LARGE1: variants seen among roughly 807,000 people sequenced by gnomAD.
The protein encoded by LARGE1 is xylosyl- and glucuronyltransferase LARGE1.
In LARGE1, 43 loss-of-function variants were observed where a neutral mutation model predicts 87.6. That is an observed-to-expected ratio of 0.49 (90% CI 0.38 to 0.63). The LOEUF (loss-of-function observed/expected upper bound fraction) is 0.63, where lower values mean the gene tolerates loss of function less well. Ranked by LOEUF, LARGE1 falls within the 30% of genes least tolerant of loss-of-function variation. The pLI is 0.00. For missense variants in LARGE1, 802 were observed against 1,000.2 expected, an observed-to-expected ratio of 0.80 and a Z score of 2.67; for synonymous variants, 434 against 394.6, an observed-to-expected ratio of 1.10 and a Z score of -1.18.
intron 11 of LARGE1, among the ~76,000 whole-genome samples, chr22:33,177,401 T>C (rs1159065647): frequency 6.6e-6 from 1 of 152,198 alleles, no homozygotes; most frequent in Non-Finnish European, 1.5e-5. Flanking sequence ...CATTTATTCT[T>C]TTAATTATTC....
Position 33,274,006 on chromosome 22 carries a change from T to G in LARGE1, c.*421A>C, listed in dbSNP as rs556795108. ...TTTCACTTAATAAAGACAATTTCAC[T>G]TCTATTTCCTGGGACGAATAACCCC... On this transcript the variant is annotated 3_prime_UTR_variant, in exon 15 of 15. Transcript: ENST00000397394. The G allele has an allele frequency of 3.0e-6, 1 of 335,782 alleles. No homozygotes were observed. The highest frequency in any genetic ancestry group is 2.1e-5 in the African/African-American group (1 of 48,046). The allele number at this position is 335,782 out of a possible 1,614,324, so 20.8% of individuals were successfully genotyped here.
At chr22:33,404,996 G>A (rs1187167335) in intron 7 of LARGE1, among the ~76,000 whole-genome samples, 1 of 152,192 alleles carries the variant, frequency 6.6e-6, no homozygotes, top group African/African-American at 2.4e-5. Flanking sequence ...TTCTGCATTG[G>A]GTAGTGGGGA....
At chr22:33,266,855 T>C (rs1007119698) in intron 11 of LARGE1, among the ~76,000 whole-genome samples, 1 of 150,400 alleles carries the variant, frequency 6.6e-6, no homozygotes, top group South Asian at 2.1e-4. Flanking sequence ...AGAACAGTCT[T>C]GGAGTCAGAG....
the LARGE1 span, among the ~76,000 whole-genome samples, chr22:33,076,116 C>A: frequency 6.6e-6 from 1 of 152,204 alleles, no homozygotes; most frequent in Non-Finnish European, 1.5e-5. Context: ...CCTTGAAACT[C>A]ATTTTCAACC....
chr22:33,245,371 T>C (rs1926708049), intron 11 of LARGE1, among the ~76,000 whole-genome samples: 1 of 152,228 alleles, frequency 6.6e-6, no homozygotes, highest in Non-Finnish European at 1.5e-5. Context: ...TAAGCAGATA[T>C]GATCACACTG....
chr22:33,255,029 C>T (rs1049669085), intron 11 of LARGE1, among the ~76,000 whole-genome samples: 2 of 151,898 alleles, frequency 1.3e-5, no homozygotes, highest in Non-Finnish European at 2.9e-5. Flanking sequence ...CCTCCGCCCC[C>T]CAGGTTCAAG....
chr22:33,148,963 A>G, the LARGE1 span, among the ~76,000 whole-genome samples: 1 of 151,728 alleles, frequency 6.6e-6, no homozygotes, highest in Non-Finnish European at 1.5e-5. Context: ...TATATTTACA[A>G]TGTAAGTGCT....
the LARGE1 span, among the ~76,000 whole-genome samples, chr22:33,147,885 C>G: frequency 6.6e-6 from 1 of 152,210 alleles, no homozygotes; most frequent in African/African-American, 2.4e-5. Flanking sequence ...TCTATTCCAT[C>G]AACCACTGAT....
intron 7 of LARGE1, among the ~76,000 whole-genome samples, chr22:33,405,012 A>T (rs1424003493): frequency 6.6e-6 from 1 of 152,190 alleles, no homozygotes; most frequent in Non-Finnish European, 1.5e-5. Context: ...GGGGAAGAGG[A>T]GCATAAAGGA....
At chr22:33,482,012 C>T (rs1479096564) in intron 6 of LARGE1, among the ~76,000 whole-genome samples, 1 of 152,144 alleles carries the variant, frequency 6.6e-6, no homozygotes, top group Non-Finnish European at 1.5e-5. Context: ...TCACTACCTA[C>T]CAGATATTAT....
chr22:33,778,235 T>C (rs2085309102), intron 1 of LARGE1, among the ~76,000 whole-genome samples: 1 of 152,150 alleles, frequency 6.6e-6, no homozygotes, highest in Non-Finnish European at 1.5e-5. Context: ...CGTGTGATGG[T>C]TTCCAACAGC....
intron 1 of LARGE1, among the ~76,000 whole-genome samples, chr22:33,872,568 G>A (rs766419368): frequency 1.6e-4 from 25 of 152,070 alleles, no homozygotes; most frequent in Middle Eastern, 3.4e-3. Context: ...TTACGCCCTT[G>A]AACCTGAGTT....
At chr22:33,627,347 T>C (rs2079953662) in intron 3 of LARGE1, among the ~76,000 whole-genome samples, 1 of 152,216 alleles carries the variant, frequency 6.6e-6, no homozygotes. Context: ...GGAGAGTTCA[T>C]ACTTCCGGAT....
chr22:33,304,392 G>A lies in LARGE1; in HGVS notation c.1567C>T (p.Leu523Phe). 1 of 1,614,280 alleles carries A rather than the reference G, an allele frequency of 6.2e-7. No individual in the cohort carries two copies. Residue 523 changes from leucine (L) to phenylalanine (F), a missense_variant, in exon 12 of 15, where the codon CTT (leucine) becomes TTT (phenylalanine). Physicochemically the swap from Leu to Phe is conservative, Grantham distance 22. This residue lies in a region of LARGE1 where 625 missense variants were observed against 841.9 expected (regional missense o/e 0.74). Transcript: ENST00000397394. ...TAGCCCACGTTGTGGCGGCTCATAA[G>A]CACCTCAGAGCCCTGTGCGTAGCGG... ...FLRYAQGSEV[L>F]MSRHNVGYHI...
At chr22:33,653,043 TG>T (rs1019097887) in intron 2 of LARGE1, among the ~76,000 whole-genome samples, 23 of 152,202 alleles carry the variant, frequency 1.5e-4, no homozygotes, top group African/African-American at 4.6e-4. Flanking sequence ...CCTGTCTCCC[TG>T]TTTGGTACAA....
chr22:33,723,835 A>T (rs149928048), intron 2 of LARGE1: 2,048 of 152,248 alleles, frequency 0.013, 32 homozygotes, highest in Middle Eastern at 0.044. Context: ...CACCAAACCC[A>T]ATTGCGATTC....
Position 33,796,193 on chromosome 22 carries a change from TAAAAC to T in LARGE1, c.-82-34640_-82-34636del. 2.0e-5 allele frequency among the ~76,000 whole-genome samples: 3 copies of T among 152,240 alleles called. No individual in the cohort carries two copies. The South Asian group carries it at 6.2e-4, about 32-fold the overall frequency. On this transcript the variant is annotated intron_variant, in intron 1 of 14. Coordinates refer to ENST00000397394, the MANE Select transcript of LARGE1 (RefSeq NM_133642.5). ...AATAACCTAATCAAGGCATAATAAT[TAAAAC>T]AAATTAAGAGTTTGAGTATTACTCG...
At chr22:33,437,101 T>G (rs2067298679) in intron 6 of LARGE1, among the ~76,000 whole-genome samples, 1 of 152,210 alleles carries the variant, frequency 6.6e-6, no homozygotes. Flanking sequence ...TAATTTGCAT[T>G]GAAATAAACC....
At position 33,253,830 on chromosome 22, in the gene LARGE1, A is replaced by G. The variant is rs576471746; in HGVS notation, c.1730+50399T>C. The stretch of plus-strand genomic sequence containing the variant: ...CAGGGCCTGGCTGGCATACTTTGCC[A>G]AAGGTTCCTATGCCCAGGGGATGGT... On this transcript the variant is annotated intron_variant, in intron 11 of 11. Transcript: ENST00000608642. Among the ~76,000 whole-genome samples, 7 of 152,104 alleles carry G rather than the reference A, an allele frequency of 4.6e-5. No homozygotes were observed. In the East Asian group the frequency reaches 1.4e-3, roughly 29 times the overall value.
Sources: gnomAD v4.1 joint callset for allele counts (sites outside exome capture counted in the v4.1 genomes callset) on GRCh38, gnomAD v4.1.1 for gene constraint, gnomAD v4.1.1 regional missense constraint, MANE v1.5 for transcripts, NCBI Gene and HGNC (gene_info 2026-07-23, HGNC 2026-07-21) for gene names.